Variants in CLPB observed in about 807,000 individuals in gnomAD.
The protein encoded by CLPB is ClpB family mitochondrial disaggregase, also known as mitochondrial disaggregase.
In CLPB, 40 loss-of-function variants were observed where a neutral mutation model predicts 78.4. The observed-to-expected ratio is 0.51, with a 90% CI of 0.40 to 0.66. The LOEUF is 0.66. CLPB is among the 30% of genes least tolerant of loss of function. CLPB has a pLI of 0.00. For missense variants in CLPB, 780 were observed against 886.9 expected, an observed-to-expected ratio of 0.88 and a Z score of 1.53; for synonymous variants, 333 against 348.0, an observed-to-expected ratio of 0.96 and a Z score of 0.48.
intron 14 of CLPB, 93 bp from the exon 15 acceptor site, chr11:72,294,219 A>C (rs1242745067): frequency 6.2e-7 from 1 of 1,605,166 alleles, no homozygotes; most frequent in East Asian, 2.2e-5. Context: ...CTGGCCCCAC[A>C]CCACTGTGCT....
chr11:72,356,506 C>T (rs765425775), intron 5 of CLPB, among the ~76,000 whole-genome samples: 4 of 152,094 alleles, frequency 2.6e-5, no homozygotes, highest in Non-Finnish European at 5.9e-5. Context: ...TGGCAGCCTG[C>T]AGGCCCTGAG....
At chr11:72,377,602 T>A in intron 4 of CLPB, among the ~76,000 whole-genome samples, 1 of 124,014 alleles carries the variant, frequency 8.1e-6, no homozygotes, top group South Asian at 2.5e-4. Context: ...AATCCAGAGG[T>A]TGACCAGGAA....
chr11:72,428,771 T>C (rs1481838042), intron 2 of CLPB: 3 of 152,246 alleles, frequency 2.0e-5, no homozygotes, highest in Non-Finnish European at 2.9e-5. Context: ...CGAGAATGAA[T>C]GTTCAGAAAA....
In CLPB at chr11:72,372,846, T is replaced by G. The variant is rs1951068925; in HGVS notation, c.646+7435A>C. ...TGCTGGGTAGTTAACTTATACTGAG[T>G]AAAAGAGATAGTCAGATGAGACCAT... is the stretch of plus-strand genomic sequence containing the variant. On this transcript the variant is annotated intron_variant, in intron 4 of 15. Transcript: ENST00000538039. The G allele has an allele frequency of 8.5e-6, 11 of 1,297,698 alleles. No individual in the cohort carries two copies. In the South Asian group the frequency reaches 1.3e-4, roughly 15 times the overall value. 80.4% of individuals were successfully genotyped at this position (1,297,698 alleles called of 1,614,324 possible). A position where few individuals can be genotyped will look rare whatever the true frequency, so the allele number is the denominator to read the frequency against.
At chr11:72,314,722 G>A (rs990441381) in intron 7 of CLPB, among the ~76,000 whole-genome samples, 12 of 151,320 alleles carry the variant, frequency 7.9e-5, no homozygotes, top group African/African-American at 2.9e-4. Flanking sequence ...CAGCCAGTGT[G>A]TCGGCAATGG....
chr11:72,412,261 G>A (rs1242131054), intron 2 of CLPB, among the ~76,000 whole-genome samples: 1 of 152,186 alleles, frequency 6.6e-6, no homozygotes, highest in Non-Finnish European at 1.5e-5. Context: ...CCTTCCGTGA[G>A]GAAGCTCTCC....
chr11:72,415,467 T>C (rs1038183795), intron 2 of CLPB, among the ~76,000 whole-genome samples: 1 of 152,214 alleles, frequency 6.6e-6, no homozygotes, highest in Non-Finnish European at 1.5e-5. Flanking sequence ...TGAAGCTTCC[T>C]AGAACCTTCT....
In CLPB at chr11:72,293,112, G is replaced by T. The variant is rs75128106; in HGVS notation, c.*255C>A. On this transcript the variant is annotated 3_prime_UTR_variant, in exon 16 of 16. Coordinates refer to ENST00000538039, the MANE Select transcript of CLPB (RefSeq NM_001258392.3). ...ACCTCCATCCCTCCTTGCCTTGAAG[G>T]GGGTGGAAAGGCAGCTCCTCTCCTG... The T allele has an allele frequency of 4.5e-3, 1,994 of 444,114 alleles. 30 individuals carry two copies. Among genetic ancestry groups the T allele is most frequent in the African/African-American group, 0.036 (1,870 of 51,376 alleles). 27.5% of individuals were successfully genotyped at this position (444,114 alleles called of 1,614,324 possible).
intron 1 of CLPB, among the ~76,000 whole-genome samples, chr11:72,432,636 G>T (rs2135175609): frequency 6.6e-6 from 1 of 152,324 alleles, no homozygotes; most frequent in Non-Finnish European, 1.5e-5. Context: ...AAAAATGCTG[G>T]AAGTTATAGG....
Position 72,402,982 on chromosome 11 carries a change from T to C in CLPB, c.526A>G (p.Ile176Val). ...LGWTALMVAA[I>V]NRNNSVVQVL... ...GTCTCTCACCTGTTGTTTCGGTTGA[T>C]GGCTGCCACCATGAGTGCTGTCCAG... Residue 176 changes from isoleucine to valine, a missense_variant, in exon 3 of 16, where the codon ATC becomes GTC. Physicochemically the swap from Ile to Val is conservative, Grantham distance 29. This residue lies in a region of CLPB where 417 missense variants were observed against 414.7 expected (regional missense o/e 1.01). Transcript: ENST00000538039. 1 of 1,613,934 alleles carries C rather than the reference T, an allele frequency of 6.2e-7. No individual in the cohort carries two copies. Among genetic ancestry groups the C allele is most frequent in the Non-Finnish European group, 8.5e-7 (1 of 1,180,022 alleles).
At chr11:72,384,567 A>G (rs1020616136) in intron 3 of CLPB, among the ~76,000 whole-genome samples, 1 of 152,216 alleles carries the variant, frequency 6.6e-6, no homozygotes, top group African/African-American at 2.4e-5. Flanking sequence ...AAACGTCAGA[A>G]GTTAGTCCTC....
At position 72,286,885 on chromosome 11, in the gene CLPB, ATACT is replaced by A. The variant is rs1949397841; in HGVS notation, c.*6478_*6481del. ...TTAGAGGTTTACCTTTAACCTCTAAATACTTACATTTTCTGAAAACAAGGACGTT... is the reference window on the plus strand; with the variant it reads ...TTAGAGGTTTACCTTTAACCTCTAAATACATTTTCTGAAAACAAGGACGTT... On this transcript the variant is annotated 3_prime_UTR_variant, in exon 16 of 16. Coordinates refer to ENST00000538039, the MANE Select transcript of CLPB (RefSeq NM_001258392.3). The A allele has an allele frequency of 6.6e-6, 1 of 152,110 alleles. No homozygotes were observed. 9.4% of individuals were successfully genotyped at this position (152,110 alleles called of 1,614,324 possible).
At position 72,333,761 on chromosome 11, in the gene CLPB, G is replaced by A. The variant is rs187487245; in HGVS notation, c.776-3957C>T. Among the ~76,000 whole-genome samples, 13 of 152,312 alleles carry A rather than the reference G, an allele frequency of 8.5e-5. No homozygotes were observed. In the East Asian group the frequency reaches 2.5e-3, roughly 29 times the overall value. On this transcript the variant is annotated intron_variant, in intron 5 of 15. Transcript: ENST00000538039. ...CGCCTAGCCTAGCCTTCCTGGCCCA[G>A]CCCCACTGAGTTGCTTTCTCTGGCG... is the stretch of plus-strand genomic sequence containing the variant.
intron 5 of CLPB, among the ~76,000 whole-genome samples, chr11:72,358,067 A>T (rs959987766): frequency 6.6e-6 from 1 of 152,164 alleles, no homozygotes; most frequent in Non-Finnish European, 1.5e-5. Context: ...GGAGTGGGAT[A>T]TGGGGAAGTG....
chr11:72,318,119 T>TA (rs1007935778), intron 6 of CLPB, among the ~76,000 whole-genome samples: 9 of 152,264 alleles, frequency 5.9e-5, no homozygotes, highest in Admixed American at 3.3e-4. Flanking sequence ...GTCTGTCCTC[T>TA]AAATCAATTA....
intron 12 of CLPB, among the ~76,000 whole-genome samples, chr11:72,295,165 C>T (rs556405560): frequency 6.6e-5 from 10 of 152,316 alleles, no homozygotes; most frequent in Admixed American, 6.5e-5. Flanking sequence ...TGCACCAAAG[C>T]ATCTGTGTCT....
Position 72,291,907 on chromosome 11 carries a change from G to A in CLPB, c.*1460C>T, listed in dbSNP as rs1222251176. ...AAATACAAAAAGGTAGCCGGGCGTGGTGGTGGGCACCTGTAGTCCCAGCTA... is the reference window on the plus strand; with the variant it reads ...AAATACAAAAAGGTAGCCGGGCGTGATGGTGGGCACCTGTAGTCCCAGCTA... On this transcript the variant is annotated 3_prime_UTR_variant, in exon 16 of 16. Coordinates refer to ENST00000538039, the MANE Select transcript of CLPB (RefSeq NM_001258392.3). 1 of 151,786 alleles carries A rather than the reference G, an allele frequency of 6.6e-6. No individual in the cohort carries two copies. Among genetic ancestry groups the A allele is most frequent in the East Asian group, 2.0e-4 (1 of 5,038 alleles). The allele number at this position is 151,786 out of a possible 1,614,324, so 9.4% of individuals were successfully genotyped here. A position where few individuals can be genotyped will look rare whatever the true frequency, so the allele number is the denominator to read the frequency against.
intron 5 of CLPB, chr11:72,337,252 C>A: frequency 2.5e-6 from 1 of 397,638 alleles, no homozygotes; most frequent in East Asian, 3.6e-5. Flanking sequence ...CCCTGCTCAA[C>A]ATACGTATGT....
rs1053989314 is a variant in CLPB, at chr11:72,312,434, G to A, written c.989-3830C>T. ...GTGTTTCATCTACCTGTGCCCTTGTGTCTGGCAGGGAGGGTGTGCCCCCAA... is the reference window on the plus strand; with the variant it reads ...GTGTTTCATCTACCTGTGCCCTTGTATCTGGCAGGGAGGGTGTGCCCCCAA... On this transcript the variant is annotated intron_variant, in intron 7 of 15. Coordinates refer to ENST00000538039, the MANE Select transcript of CLPB (RefSeq NM_001258392.3). The surrounding 1 kb of genome is among the most constrained non-coding windows in gnomAD (Gnocchi z 4.2). Among the ~76,000 whole-genome samples, 15 of 152,172 alleles carry A rather than the reference G, an allele frequency of 9.9e-5. No individual in the cohort carries two copies. The highest frequency in any genetic ancestry group is 9.2e-4 in the Admixed American group (14 of 15,282).
Sources: allele counts gnomAD v4.1 joint callset (sites outside exome capture counted in the v4.1 genomes callset), GRCh38; gene constraint gnomAD v4.1.1; regional missense constraint gnomAD v4.1.1; non-coding constraint Gnocchi (gnomAD v3.1); transcripts MANE v1.5; gene names NCBI Gene and HGNC (gene_info 2026-07-23, HGNC 2026-07-21).